AOX1: variants seen among roughly 807,000 people sequenced by gnomAD.
AOX1 encodes the protein aldehyde oxidase.
Under a neutral mutation model 169.5 loss-of-function variants are expected in AOX1, and 153 were observed. That is an observed-to-expected ratio of 0.90 (90% CI 0.79 to 1.03). AOX1 has a LOEUF of 1.03. Among genes scored for constraint, AOX1 ranks in the 50% least tolerant of loss-of-function variants. AOX1 has a pLI of 0.00. For synonymous variants in AOX1, 562 were observed against 581.9 expected (o/e 0.97, Z 0.49); for missense variants, 1,656 against 1,663.9 (o/e 1.00, Z 0.08).
chr2:200,665,250 A>G (rs1048236570), intron 31 of AOX1, among the ~76,000 whole-genome samples: 2 of 152,206 alleles, frequency 1.3e-5, no homozygotes, highest in Non-Finnish European at 2.9e-5. Context: ...CACCTCTGCC[A>G]TAGCCTACTG....
chr2:200,641,223 A>AATTATATATTC, intron 24 of AOX1, 39 bp downstream of exon 24: 1 of 1,361,916 alleles, frequency 7.3e-7, no homozygotes. Context: ...TCCTGAAAAG[A>AATTATATATTC]GTGTTACATA....
intron 25 of AOX1, 75 bp from the exon 26 acceptor site, chr2:200,650,899 C>A: frequency 7.2e-7 from 1 of 1,387,592 alleles, no homozygotes; most frequent in South Asian, 1.3e-5. Context: ...AGAATTTGAC[C>A]AGGAGGATGG....
intron 7 of AOX1, 32 bp from the exon 8 acceptor site, chr2:200,603,985 T>A (rs1292446792): frequency 7.0e-7 from 1 of 1,433,298 alleles, no homozygotes; most frequent in Non-Finnish European, 9.8e-7. Flanking sequence ...AGTTGCTCGA[T>A]AACAGTAATT....
At chr2:200,591,152 T>C (rs75356652) in intron 1 of AOX1, among the ~76,000 whole-genome samples, 36 of 152,328 alleles carry the variant, frequency 2.4e-4, no homozygotes, top group African/African-American at 8.4e-4. Context: ...TTAACACTTA[T>C]TACATCCTGT....
At position 200,618,610 on chromosome 2, in the gene AOX1, A is replaced by C. The variant is rs1251634252; in HGVS notation, c.1705-2040A>C. On this transcript the variant is annotated intron_variant, in intron 16 of 34. Transcript: ENST00000374700. ...CTCTGCCGTTCTCTCCTGATATTCCAGCCCTGCCACCTGCCTGGAGAATCT... is the reference window on the plus strand; with the variant it reads ...CTCTGCCGTTCTCTCCTGATATTCCCGCCCTGCCACCTGCCTGGAGAATCT... Among the ~76,000 whole-genome samples, 3 of 152,166 alleles carry C rather than the reference A, an allele frequency of 2.0e-5. No homozygotes were observed. The East Asian group carries it at 5.8e-4, about 29-fold the overall frequency.
chr2:200,586,182 C>A, intron 1 of AOX1, 29 bp downstream of exon 1: 3 of 1,543,540 alleles, frequency 1.9e-6, no homozygotes, highest in Non-Finnish European at 1.7e-6. Context: ...CCTCTGCCCC[C>A]AGACCTGCGG....
At chr2:200,613,476 A>C (rs984533832) in intron 14 of AOX1, among the ~76,000 whole-genome samples, 2 of 152,204 alleles carry the variant, frequency 1.3e-5, no homozygotes, top group Non-Finnish European at 2.9e-5. Flanking sequence ...AGATCTTGGC[A>C]TGCAATAAAT....
chr2:200,590,774 A>C (rs2034153092), intron 1 of AOX1, among the ~76,000 whole-genome samples: 1 of 152,208 alleles, frequency 6.6e-6, no homozygotes, highest in Non-Finnish European at 1.5e-5. Context: ...TCTATCCATT[A>C]AAACGGGGCT....
chr2:200,593,351 T>C, intron 2 of AOX1, 148 bp downstream of exon 2: 1 of 689,542 alleles, frequency 1.5e-6, no homozygotes, highest in African/African-American at 1.8e-5. Context: ...GAGAAAGTCC[T>C]ATCATTTTAT....
At chr2:200,631,024 G>A (rs2035115312) in intron 20 of AOX1, among the ~76,000 whole-genome samples, 1 of 152,076 alleles carries the variant, frequency 6.6e-6, no homozygotes, top group Admixed American at 6.6e-5. Context: ...AAAAAAGAAA[G>A]AAGATAGGTG....
At chr2:200,587,508 A>G (rs1483944939) in intron 1 of AOX1, among the ~76,000 whole-genome samples, 1 of 152,146 alleles carries the variant, frequency 6.6e-6, no homozygotes, top group Non-Finnish European at 1.5e-5. Flanking sequence ...TAAGACCCTG[A>G]GCCTAATTTC....
intron 16 of AOX1, among the ~76,000 whole-genome samples, chr2:200,618,668 T>C (rs1298159044): frequency 1.3e-5 from 2 of 152,186 alleles, no homozygotes; most frequent in African/African-American, 2.4e-5. Flanking sequence ...GGTTTTTTGT[T>C]TTTTTGAGGC....
chr2:200,634,767 C>G, intron 20 of AOX1, 24 bp from the exon 21 acceptor site: 1 of 1,613,150 alleles, frequency 6.2e-7, no homozygotes, highest in East Asian at 2.2e-5. Flanking sequence ...GCTTCCTTGA[C>G]TTTTATGTAT....
chr2:200,586,184 G>C (rs1574898702), intron 1 of AOX1, 31 bp downstream of exon 1: 1 of 1,542,210 alleles, frequency 6.5e-7, no homozygotes, highest in Non-Finnish European at 8.7e-7. Context: ...TCTGCCCCCA[G>C]ACCTGCGGCC....
chr2:200,609,863 A>G (rs1311634124), intron 12 of AOX1, among the ~76,000 whole-genome samples: 3 of 152,204 alleles, frequency 2.0e-5, no homozygotes, highest in Admixed American at 1.3e-4. Flanking sequence ...ATTGGGCCTC[A>G]TTCTATATTT....
At chr2:200,639,122 C>T (rs1282567333) in intron 23 of AOX1, among the ~76,000 whole-genome samples, 1 of 152,334 alleles carries the variant, frequency 6.6e-6, no homozygotes, top group South Asian at 2.1e-4. Flanking sequence ...ATTCCAAGTG[C>T]TCAGTAGGCA....
chr2:200,657,190 A>ATATATATATATATATATATATATATTTTT, intron 27 of AOX1, among the ~76,000 whole-genome samples: 2 of 62,878 alleles, frequency 3.2e-5, no homozygotes, highest in Non-Finnish European at 5.2e-5. Context: ...ATATATATAT[A>ATATATATATATATATATATATATATTTTT]TTTTTTTTTT....
intron 1 of AOX1, among the ~76,000 whole-genome samples, chr2:200,586,919 T>C (rs893842782): frequency 2.0e-5 from 3 of 152,114 alleles, no homozygotes; most frequent in Non-Finnish European, 4.4e-5. Context: ...CTCTGCTCAC[T>C]CTTAATGTTC....
At chr2:200,679,790 T>C (rs1486477394), downstream of AOX1, among the ~76,000 whole-genome samples, 2 of 151,944 alleles carry the variant, frequency 1.3e-5, no homozygotes, top group Non-Finnish European at 2.9e-5. Flanking sequence ...TATAATAAAA[T>C]AAGAAAAAGG....
Sources: allele counts gnomAD v4.1 joint callset (sites outside exome capture counted in the v4.1 genomes callset), GRCh38; gene constraint gnomAD v4.1.1; transcripts MANE v1.5; gene names NCBI Gene and HGNC (gene_info 2026-07-23, HGNC 2026-07-21).